The following ATF6 variants were observed in gnomAD, a reference collection of about 807,000 sequenced individuals.
ATF6 encodes the protein cyclic AMP-dependent transcription factor ATF-6 alpha.
Under a neutral mutation model 83.6 loss-of-function variants are expected in ATF6, and 53 were observed. That is an observed-to-expected ratio of 0.63 (90% CI 0.51 to 0.80). The LOEUF is 0.80. Among genes scored for constraint, ATF6 ranks in the 30% least tolerant of loss-of-function variants. The pLI, the probability that ATF6 is intolerant of heterozygous loss-of-function variation, is 0.00. For missense variants in ATF6, 744 were observed against 797.9 expected, an observed-to-expected ratio of 0.93 and a Z score of 0.81; for synonymous variants, 288 against 285.8, an observed-to-expected ratio of 1.01 and a Z score of -0.08.
chr1:161,794,336 T>C (rs956069214), intron 6 of ATF6, among the ~76,000 whole-genome samples: 1 of 152,200 alleles, frequency 6.6e-6, no homozygotes, highest in Admixed American at 6.5e-5. Context: ...ATACAGTTAA[T>C]CATGTTAATA....
intron 4 of ATF6, among the ~76,000 whole-genome samples, chr1:161,790,809 TCAACAACAACAA>T (rs34420630): frequency 3.3e-4 from 49 of 149,800 alleles, no homozygotes; most frequent in Admixed American, 1.8e-3. Flanking sequence ...AGACTCTGTC[TCAACAACAACAA>T]CAACAACAAC....
intron 13 of ATF6, among the ~76,000 whole-genome samples, chr1:161,862,338 C>A (rs1686903566): frequency 6.6e-6 from 1 of 152,060 alleles, no homozygotes; most frequent in African/African-American, 2.4e-5. Context: ...TTGATACATA[C>A]AAGTTTTCTC....
At chr1:161,801,685 G>A (rs1177454354) in intron 6 of ATF6, among the ~76,000 whole-genome samples, 1 of 152,094 alleles carries the variant, frequency 6.6e-6, no homozygotes, top group African/African-American at 2.4e-5. Context: ...CATATTCAGT[G>A]TAAAAGATTT....
At chr1:161,904,012 T>C (rs1687839590) in intron 14 of ATF6, among the ~76,000 whole-genome samples, 1 of 152,220 alleles carries the variant, frequency 6.6e-6, no homozygotes, top group African/African-American at 2.4e-5. Flanking sequence ...CAGGTGATTC[T>C]GATATGTATC....
At chr1:161,931,168 C>A (rs984700138) in intron 15 of ATF6, among the ~76,000 whole-genome samples, 5 of 152,154 alleles carry the variant, frequency 3.3e-5, no homozygotes, top group African/African-American at 1.2e-4. Context: ...AGCCACCGCA[C>A]CTGGCTGGTT....
At chr1:161,823,947 T>C (rs1259954506) in intron 9 of ATF6, among the ~76,000 whole-genome samples, 1 of 152,182 alleles carries the variant, frequency 6.6e-6, no homozygotes, top group African/African-American at 2.4e-5. Flanking sequence ...ATAAAATGTA[T>C]TTCCATATAT....
At chr1:161,887,951 C>G (rs929975882) in intron 14 of ATF6, among the ~76,000 whole-genome samples, 32 of 152,302 alleles carry the variant, frequency 2.1e-4, no homozygotes, top group Non-Finnish European at 4.7e-4. Context: ...TTTCATGGAT[C>G]AAATCAAGGC....
intron 14 of ATF6, among the ~76,000 whole-genome samples, chr1:161,874,776 CAATAAA>C (rs1385772725): frequency 6.6e-6 from 1 of 151,566 alleles, no homozygotes; most frequent in Non-Finnish European, 1.5e-5. Context: ...GAATGATATG[CAATAAA>C]AATAATAATT....
chr1:161,872,157 G>T (rs376246766), intron 14 of ATF6, among the ~76,000 whole-genome samples: 14 of 151,634 alleles, frequency 9.2e-5, no homozygotes, highest in East Asian at 7.7e-4. Flanking sequence ...TGAGGCAGTC[G>T]TGTCCATTGT....
At chr1:161,898,421 G>A (rs965303752) in intron 14 of ATF6, among the ~76,000 whole-genome samples, 1 of 152,072 alleles carries the variant, frequency 6.6e-6, no homozygotes, top group Non-Finnish European at 1.5e-5. Flanking sequence ...GTACCTATAG[G>A]CAGTTAGGCT....
chr1:161,905,762 C>G (rs1687866384), intron 14 of ATF6, among the ~76,000 whole-genome samples: 1 of 152,088 alleles, frequency 6.6e-6, no homozygotes, highest in Admixed American at 6.5e-5. Flanking sequence ...TGAAAAGGCT[C>G]TCTATTATAG....
intron 15 of ATF6, among the ~76,000 whole-genome samples, chr1:161,925,288 T>C (rs74125046): frequency 0.02 from 3,080 of 152,326 alleles, 116 homozygotes; most frequent in African/African-American, 0.069. Context: ...TGTATTTCTA[T>C]TGGTGAAACC....
intron 14 of ATF6, among the ~76,000 whole-genome samples, chr1:161,894,115 G>C (rs1687617961): frequency 6.6e-6 from 1 of 151,914 alleles, no homozygotes; most frequent in African/African-American, 2.4e-5. Context: ...AATAAACTTA[G>C]GAACTGGTGT....
At chr1:161,854,425 ATGTTTAGTTGGCTAAAACT>A (rs1422176488) in intron 12 of ATF6, among the ~76,000 whole-genome samples, 1 of 152,226 alleles carries the variant, frequency 6.6e-6, no homozygotes, top group Non-Finnish European at 1.5e-5. Context: ...CTTTTAGCCA[ATGTTTAGTTGGCTAAAACT>A]CTGTCACTTT....
rs1469473917 is a variant in ATF6, at chr1:161,912,375, T to A, written c.1799T>A (p.Ile600Lys). 1.2e-6 allele frequency: 2 copies of A among 1,605,552 alleles called. No individual in the cohort carries two copies. The highest frequency in any genetic ancestry group is 8.5e-7 in the Non-Finnish European group (1 of 1,174,628). The change falls in exon 15 of 16, where the codon ATA (isoleucine) becomes AAA (lysine). Residue 600 changes from isoleucine to lysine, a missense_variant. Coordinates refer to ENST00000367942, the MANE Select transcript of ATF6 (RefSeq NM_007348.4). ...TCAATTGTGTTACCAGCAATAAACA[T>A]AAATGGTAAGTTGAAATTCTGATGT... ...KMSIVLPAIN[I>K]NENVINGQDY...
intron 14 of ATF6, among the ~76,000 whole-genome samples, chr1:161,892,871 C>G (rs1176568045): frequency 1.3e-5 from 2 of 152,150 alleles, no homozygotes; most frequent in Non-Finnish European, 2.9e-5. Context: ...CTCCTGACCT[C>G]AGGTGATCCA....
At chr1:161,830,855 A>T (rs1686039288) in intron 9 of ATF6, among the ~76,000 whole-genome samples, 1 of 152,182 alleles carries the variant, frequency 6.6e-6, no homozygotes, top group African/African-American at 2.4e-5. Flanking sequence ...CTACAAGAAA[A>T]CCTAGGCAAT....
chr1:161,864,355 G>C (rs1686947544), intron 14 of ATF6, among the ~76,000 whole-genome samples: 1 of 152,108 alleles, frequency 6.6e-6, no homozygotes, highest in South Asian at 2.1e-4. Flanking sequence ...GCTAACTGTG[G>C]GACTTGAGTA....
chr1:161,802,292 G>T lies in ATF6; in HGVS notation c.909+20G>T, dbSNP rs1215361416. ...TCAGATGTAAGTTTTGAAACTTAGT[G>T]CTTCTCTTAATGCCTGATTTAAAAA... On this transcript the variant is annotated intron_variant, in intron 7 of 15. Coordinates refer to ENST00000367942, the MANE Select transcript of ATF6 (RefSeq NM_007348.4). The T allele has an allele frequency of 6.2e-7, 1 of 1,600,854 alleles. No individual in the cohort carries two copies. Among genetic ancestry groups the T allele is most frequent in the Non-Finnish European group, 8.6e-7 (1 of 1,168,510 alleles).
Sources: gnomAD v4.1 joint callset for allele counts (sites outside exome capture counted in the v4.1 genomes callset) on GRCh38, gnomAD v4.1.1 for gene constraint, MANE v1.5 for transcripts, NCBI Gene and HGNC (gene_info 2026-07-23, HGNC 2026-07-21) for gene names.